Variants in SRBD1 observed in about 807,000 individuals in gnomAD.
SRBD1 encodes the protein S1 RNA binding domain 1, also known as S1 RNA-binding domain-containing protein 1.
SRBD1 carries 88 observed loss-of-function variants against 115.3 expected under a neutral mutation model. The ratio of observed to expected loss-of-function variants is 0.76; its 90% CI spans 0.64 to 0.91. The LOEUF (loss-of-function observed/expected upper bound fraction) is 0.91, where lower values mean the gene tolerates loss of function less well. SRBD1 is among the 40% of genes least tolerant of loss of function. The probability of loss-of-function intolerance (pLI) is 0.00; values close to 1 mark genes in which losing one functional copy is unlikely to be tolerated. For missense variants in SRBD1, 1,385 were observed against 1,177.4 expected, an observed-to-expected ratio of 1.18 and a Z score of -2.58; for synonymous variants, 509 against 407.7, an observed-to-expected ratio of 1.25 and a Z score of -2.99.
chr2:45,544,921 G>T (rs1672061239), intron 14 of SRBD1, among the ~76,000 whole-genome samples: 1 of 152,124 alleles, frequency 6.6e-6, no homozygotes, highest in Non-Finnish European at 1.5e-5. Flanking sequence ...TTTTAAAAAT[G>T]AAGGAAAGTG....
intron 14 of SRBD1, among the ~76,000 whole-genome samples, chr2:45,535,513 C>A (rs1671738837): frequency 6.6e-6 from 1 of 151,890 alleles, no homozygotes; most frequent in Non-Finnish European, 1.5e-5. Context: ...CCCTCTGGAA[C>A]AACAAAATAA....
At position 45,388,932 on chromosome 2, in the gene SRBD1, C is replaced by A; in HGVS notation, c.*378G>T. The A allele has an allele frequency of 5.5e-6, 1 of 183,320 alleles. No individual in the cohort carries two copies. Among genetic ancestry groups the A allele is most frequent in the South Asian group, 1.3e-4 (1 of 7,774 alleles). The allele number at this position is 183,320 out of a possible 1,614,324, so 11.4% of individuals were successfully genotyped here. A position where few individuals can be genotyped will look rare whatever the true frequency, so the allele number is the denominator to read the frequency against. On this transcript the variant is annotated 3_prime_UTR_variant, in exon 21 of 21. Coordinates refer to ENST00000263736, the MANE Select transcript of SRBD1 (RefSeq NM_018079.5). The stretch of plus-strand genomic sequence containing the variant: ...CTGTGTCAACAAAGACGGTACAATT[C>A]AAATCAAGAAGACAATCCCATACAA...
chr2:45,574,813 G>A, intron 7 of SRBD1, 90 bp from the exon 8 acceptor site: 1 of 1,146,274 alleles, frequency 8.7e-7, no homozygotes, highest in Non-Finnish European at 1.2e-6. Flanking sequence ...ATTAATTCCA[G>A]TCAAAATAAA....
intron 18 of SRBD1, among the ~76,000 whole-genome samples, chr2:45,414,900 CACAT>C (rs1415333033): frequency 7.7e-6 from 1 of 130,166 alleles, no homozygotes; most frequent in East Asian, 2.1e-4. Context: ...TATGTACACA[CACAT>C]ATAGTGTGTA....
chr2:45,414,305 A>G (rs1667695149), intron 18 of SRBD1, among the ~76,000 whole-genome samples: 1 of 152,176 alleles, frequency 6.6e-6, no homozygotes, highest in African/African-American at 2.4e-5. Flanking sequence ...AAACCAATAA[A>G]TCAAAGAAAA....
intron 5 of SRBD1, among the ~76,000 whole-genome samples, chr2:45,583,957 T>C (rs887327694): frequency 1.3e-5 from 2 of 152,230 alleles, no homozygotes; most frequent in Non-Finnish European, 2.9e-5. Context: ...ATACAGCTCC[T>C]ATTTGTCTCC....
chr2:45,418,639 C>G, intron 17 of SRBD1, 98 bp from the exon 18 acceptor site: 1 of 1,016,924 alleles, frequency 9.8e-7, no homozygotes, highest in Non-Finnish European at 1.3e-6. Flanking sequence ...ATGACATATC[C>G]TCATACGGCT....
chr2:45,480,253 A>G (rs1420382867), intron 15 of SRBD1, among the ~76,000 whole-genome samples: 1 of 152,202 alleles, frequency 6.6e-6, no homozygotes. Flanking sequence ...TTATTTTTTA[A>G]GAAATGCATT....
intron 19 of SRBD1, 123 bp downstream of exon 19, chr2:45,412,991 C>T: frequency 4.4e-6 from 5 of 1,138,496 alleles, no homozygotes; most frequent in Non-Finnish European, 6.2e-6. Flanking sequence ...TGCAGAACTT[C>T]TGAAAAATGT....
intron 16 of SRBD1, among the ~76,000 whole-genome samples, chr2:45,476,645 G>C (rs1414184752): frequency 6.6e-6 from 1 of 152,120 alleles, no homozygotes; most frequent in African/African-American, 2.4e-5. Context: ...CAAGTTCAAT[G>C]CATGATATCA....
intron 14 of SRBD1, among the ~76,000 whole-genome samples, chr2:45,514,963 T>A (rs1671075732): frequency 1.3e-5 from 2 of 152,340 alleles, no homozygotes; most frequent in East Asian, 3.9e-4. Context: ...AATATTCTTA[T>A]TCAGTCTTTT....
intron 17 of SRBD1, among the ~76,000 whole-genome samples, chr2:45,419,177 A>G (rs932433151): frequency 2.0e-5 from 3 of 152,220 alleles, no homozygotes; most frequent in Non-Finnish European, 4.4e-5. Flanking sequence ...TTAAAATGTA[A>G]GGGACAGTTT....
intron 7 of SRBD1, among the ~76,000 whole-genome samples, chr2:45,577,515 T>C (rs1673217398): frequency 6.6e-6 from 1 of 152,194 alleles, no homozygotes; most frequent in Admixed American, 6.5e-5. Flanking sequence ...CCTCTTCTTA[T>C]GTATGACAGA....
In SRBD1 at chr2:45,604,713, C is replaced by T. The variant is rs542504760; in HGVS notation, c.80+649G>A. On this transcript the variant is annotated intron_variant, in intron 2 of 20. Coordinates refer to ENST00000263736, the MANE Select transcript of SRBD1 (RefSeq NM_018079.5). ...CATCTAGATCTCTTGCCACATCTTC[C>T]GCAATAACTTTCTGACTACTCTATC... Among the ~76,000 whole-genome samples the T allele has an allele frequency of 3.3e-5, 5 of 152,250 alleles. No individual in the cohort carries two copies. In the South Asian group the frequency reaches 6.2e-4, roughly 19 times the overall value.
chr2:45,602,906 C>A (rs561563983), intron 2 of SRBD1, among the ~76,000 whole-genome samples: 6 of 152,152 alleles, frequency 3.9e-5, no homozygotes, highest in Admixed American at 1.3e-4. Flanking sequence ...CTAAATTATG[C>A]TCTAGAAGAG....
intron 4 of SRBD1, among the ~76,000 whole-genome samples, chr2:45,595,095 G>A (rs560087424): frequency 2.0e-5 from 3 of 152,296 alleles, no homozygotes; most frequent in African/African-American, 7.2e-5. Flanking sequence ...AGTGTTGCTT[G>A]ATTCTAGAAT....
chr2:45,449,885 T>TGCTTCATAAGGGTGATCAGG (rs3835987), intron 16 of SRBD1, among the ~76,000 whole-genome samples: 2 of 152,178 alleles, frequency 1.3e-5, no homozygotes, highest in Admixed American at 6.6e-5. Context: ...CGAAGACCAG[T>TGCTTCATAAGGGTGATCAGG]GCTTCATAAG....
intron 9 of SRBD1, among the ~76,000 whole-genome samples, chr2:45,567,534 G>T (rs930047407): frequency 4.6e-5 from 7 of 151,876 alleles, no homozygotes; most frequent in Non-Finnish European, 1.0e-4. Context: ...CCTTCAGCCC[G>T]CAAGGCGAAA....
intron 16 of SRBD1, among the ~76,000 whole-genome samples, chr2:45,424,193 C>T (rs1668086168): frequency 6.6e-6 from 1 of 152,060 alleles, no homozygotes; most frequent in African/African-American, 2.4e-5. Flanking sequence ...CATAATTCAA[C>T]CTAGGATGAC....
Sources: allele counts gnomAD v4.1 joint callset (sites outside exome capture counted in the v4.1 genomes callset), GRCh38; gene constraint gnomAD v4.1.1; transcripts MANE v1.5; gene names NCBI Gene and HGNC (gene_info 2026-07-23, HGNC 2026-07-21).